CAPN12: variants seen among roughly 807,000 people sequenced by gnomAD.
CAPN12 encodes calpain-12.
A neutral mutation model predicts 95.0 loss-of-function variants in CAPN12; 107 were observed. The observed-to-expected ratio is 1.13, with a 90% CI of 0.96 to 1.32. CAPN12 has a LOEUF of 1.32. CAPN12 is among the 40% of genes most tolerant of loss of function. The pLI is 0.00. For missense variants in CAPN12, 1,136 were observed against 997.8 expected (o/e 1.14, Z -1.87); for synonymous variants, 505 against 415.5 (o/e 1.22, Z -2.62).
At position 38,734,131 on chromosome 19, in the gene CAPN12, T is replaced by A; in HGVS notation, c.1878+11A>T. ...TCTCTTTCTGGGAAGAGGCCCAGTC[T>A]CCCACCTCACCTGCCACTCCAGGAG... On this transcript the variant is annotated intron_variant, in intron 17 of 20. Coordinates refer to ENST00000328867, the MANE Select transcript of CAPN12 (RefSeq NM_144691.4). The A allele has an allele frequency of 6.2e-7, 1 of 1,611,904 alleles. No individual in the cohort carries two copies. The highest frequency in any genetic ancestry group is 8.5e-7 in the Non-Finnish European group (1 of 1,179,470).
rs115604294 is a variant in CAPN12, at chr19:38,741,817, T to C, written c.520A>G (p.Asn174Asp). The change falls in exon 4 of 21, where the codon AAT (asparagine) becomes GAT (aspartate). Residue 174 changes from asparagine (N) to aspartate (D), a missense_variant. Coordinates refer to ENST00000328867, the MANE Select transcript of CAPN12 (RefSeq NM_144691.4). ...TCCAGGAGTGGGGCCCAGAACTCAT[T>C]CCGCTGTTCCGAGCGCACGAACATC... ...KLMFVRSEQR[N>D]EFWAPLLEKA... is the part of the protein sequence containing the mutation. 2.0e-4 allele frequency: 324 copies of C among 1,614,100 alleles called. 1 individual carries two copies. The African/African-American group carries it at 3.0e-3, about 15-fold the overall frequency.
In CAPN12 at chr19:38,737,484, G is replaced by A; in HGVS notation, c.1120C>T (p.Pro374Ser). The A allele has an allele frequency of 9.9e-6, 16 of 1,612,714 alleles. No homozygotes were observed. The highest frequency in any genetic ancestry group is 1.4e-5 in the Non-Finnish European group (16 of 1,179,898). ...GCCCCTCAGGCCTCACCAGCATTAG[G>A]CTGGCTCCCGCCGGAGTTGAAGCCA... ...VRGFNSGGSQ[P>S]NAETFWTNPQ... Residue 374 changes from proline to serine, a missense_variant, in exon 9 of 21, where the codon CCT (proline) becomes TCT (serine). Coordinates refer to ENST00000328867, the MANE Select transcript of CAPN12 (RefSeq NM_144691.4).
chr19:38,735,139 G>A (rs553663695), intron 14 of CAPN12: 7 of 601,902 alleles, frequency 1.2e-5, no homozygotes, highest in South Asian at 4.2e-5. Context: ...ACCTGAGCCT[G>A]GCTGGAGGTG....
Position 38,736,654 on chromosome 19 carries a change from TCTCC to T in CAPN12, c.1363-95_1363-92del, listed in dbSNP as rs895015750. The T allele has an allele frequency of 6.2e-5, 82 of 1,327,830 alleles. 3 individuals are homozygous for T. Among genetic ancestry groups the T allele is most frequent in the Admixed American group, 5.0e-4 (20 of 39,618 alleles). 82.3% of individuals were successfully genotyped at this position (1,327,830 alleles called of 1,614,324 possible). A position where few individuals can be genotyped will look rare whatever the true frequency, so the allele number is the denominator to read the frequency against. On this transcript the variant is annotated intron_variant, in intron 10 of 20. Coordinates refer to ENST00000328867, the MANE Select transcript of CAPN12 (RefSeq NM_144691.4). ...CCTGCCCCTTCTCACCTCTGTGCTC[TCTCC>T]CTCCTTCTTCGTCCTATTAGACCCT...
In CAPN12 at chr19:38,730,625, C is replaced by G; in HGVS notation, c.*227G>C. 8.2e-6 allele frequency: 5 copies of G among 609,806 alleles called. No homozygotes were observed. The highest frequency in any genetic ancestry group is 5.5e-5 in the East Asian group (2 of 36,282). The allele number at this position is 609,806 out of a possible 1,614,324, so 37.8% of individuals were successfully genotyped here. ...AGCTAGCACTGTCTTAAGCTGTCAACGTGGACTAGCTCGTGTCATCTGCTC... is the reference window on the plus strand; with the variant it reads ...AGCTAGCACTGTCTTAAGCTGTCAAGGTGGACTAGCTCGTGTCATCTGCTC... On this transcript the variant is annotated 3_prime_UTR_variant, in exon 21 of 21. Transcript: ENST00000328867.
At chr19:38,737,108 C>T (rs1423623986) in intron 10 of CAPN12, 48 bp downstream of exon 10, 2 of 1,479,080 alleles carry the variant, frequency 1.4e-6, no homozygotes, top group Non-Finnish European at 1.8e-6. Context: ...GGCCCCGCCC[C>T]TCCACCCTCC....
Position 38,730,679 on chromosome 19 carries a change from G to C in CAPN12, c.*173C>G. On this transcript the variant is annotated 3_prime_UTR_variant, in exon 21 of 21. Transcript: ENST00000328867. ...AAGGGCTGTCGCTGTTCTTGTTTCT[G>C]AGTGAGGAGTACGCAGGCCAGAGTG... The C allele has an allele frequency of 1.4e-6, 1 of 706,868 alleles. No homozygotes were observed. Among genetic ancestry groups the C allele is most frequent in the Non-Finnish European group, 2.4e-6 (1 of 419,620 alleles). The allele number at this position is 706,868 out of a possible 1,614,324, so 43.8% of individuals were successfully genotyped here.
chr19:38,737,198 G>T lies in CAPN12; in HGVS notation c.1320C>A (p.Ala440=). ...CAACGGTGAGGTAAGTGAGGCCCTT[G>T]GCTCTCAGGCGCCGCCGGTTGCGCT... ...LIQRNRRRLR[A]KGLTYLTVGF... The change falls in exon 10 of 21, where the codon GCC becomes GCA. Residue 440 remains alanine (A), a synonymous_variant. Transcript: ENST00000328867. 2 of 1,549,120 alleles carry T rather than the reference G, an allele frequency of 1.3e-6. No homozygotes were observed. The highest frequency in any genetic ancestry group is 1.7e-6 in the Non-Finnish European group (2 of 1,147,618).
chr19:38,741,911 C>T lies in CAPN12; in HGVS notation c.427-1G>A. On this transcript the variant is annotated splice_acceptor_variant, in intron 3 of 20. Coordinates refer to ENST00000328867, the MANE Select transcript of CAPN12 (RefSeq NM_144691.4). LOFTEE classifies it high-confidence loss of function. ...CCATCCAGCGGCCAAACTGCCAGAGCTGGTGGGAGAAGATGCAGGGCCGGA... is the reference window on the plus strand; with the variant it reads ...CCATCCAGCGGCCAAACTGCCAGAGTTGGTGGGAGAAGATGCAGGGCCGGA... 1 of 1,613,670 alleles carries T rather than the reference C, an allele frequency of 6.2e-7. No individual in the cohort carries two copies. The highest frequency in any genetic ancestry group is 8.5e-7 in the Non-Finnish European group (1 of 1,179,928).
chr19:38,731,244 A>C (rs1270019006), intron 18 of CAPN12, 21 bp from the exon 19 acceptor site: 31 of 1,600,804 alleles, frequency 1.9e-5, no homozygotes, highest in Non-Finnish European at 2.6e-5. Flanking sequence ...GCTGCTTCTG[A>C]GCCCAGTGGC....
rs560735792 is a variant in CAPN12, at chr19:38,743,196, G to A, written c.238-94C>T. ...GGGCCTCCAAGCCCATGAAAGGCCT[G>A]GAAGCCTGTGGGCAGGAGCATGGCT... On this transcript the variant is annotated intron_variant, in intron 1 of 20. Coordinates refer to ENST00000328867, the MANE Select transcript of CAPN12 (RefSeq NM_144691.4). 318 of 1,446,370 alleles carry A rather than the reference G, an allele frequency of 2.2e-4. 7 individuals are homozygous for A. The South Asian group carries it at 3.6e-3, about 16-fold the overall frequency. The allele number at this position is 1,446,370 out of a possible 1,614,324, so 89.6% of individuals were successfully genotyped here. A position where few individuals can be genotyped will look rare whatever the true frequency, so the allele number is the denominator to read the frequency against.
chr19:38,733,847 C>T, intron 17 of CAPN12, 66 bp from the exon 18 acceptor site: 2 of 1,335,590 alleles, frequency 1.5e-6, no homozygotes, highest in East Asian at 4.6e-5. Flanking sequence ...TGGGGCCTCC[C>T]AGGCAAGACA....
At chr19:38,739,142 CAA>C (rs1970397666) in intron 5 of CAPN12, 2 of 168,130 alleles carry the variant, frequency 1.2e-5, no homozygotes, top group African/African-American at 4.9e-5. Context: ...CCTCCAAAAA[CAA>C]AAACAAACAA....
intron 1 of CAPN12, 90 bp downstream of exon 1, chr19:38,743,839 C>A (rs1970731785): frequency 2.3e-6 from 3 of 1,280,824 alleles, no homozygotes; most frequent in Non-Finnish European, 3.3e-6. Flanking sequence ...GGAGTCCAGG[C>A]CCCCAGCCTT....
At chr19:38,736,624 T>A in intron 10 of CAPN12, 61 bp from the exon 11 acceptor site, 1 of 1,380,966 alleles carries the variant, frequency 7.2e-7, no homozygotes, top group South Asian at 1.4e-5. Flanking sequence ...GCTCAGGGTC[T>A]CCTCCCTGCC....
chr19:38,744,318 C>T lies in CAPN12; in HGVS notation c.-153G>A, dbSNP rs1970762158. 1 of 726,146 alleles carries T rather than the reference C, an allele frequency of 1.4e-6. No individual in the cohort carries two copies. The highest frequency in any genetic ancestry group is 1.7e-5 in the South Asian group (1 of 57,202). The allele number at this position is 726,146 out of a possible 1,614,324, so 45.0% of individuals were successfully genotyped here. A position where few individuals can be genotyped will look rare whatever the true frequency, so the allele number is the denominator to read the frequency against. On this transcript the variant is annotated 5_prime_UTR_variant, in exon 1 of 21. Coordinates refer to ENST00000328867, the MANE Select transcript of CAPN12 (RefSeq NM_144691.4). Reference sequence around the variant, plus strand: ...ATTGATGGTTTGGGGTGCTGGGGAGCAGGGACGCCTCTTCAGTAGCTTTCT... The same window carrying T: ...ATTGATGGTTTGGGGTGCTGGGGAGTAGGGACGCCTCTTCAGTAGCTTTCT...
intron 3 of CAPN12, 53 bp downstream of exon 3, chr19:38,742,357 C>G: frequency 8.3e-7 from 1 of 1,210,266 alleles, no homozygotes; most frequent in Admixed American, 1.8e-5. Context: ...AAATCCATAT[C>G]ACCAAGTCAC....
intron 4 of CAPN12, among the ~76,000 whole-genome samples, chr19:38,741,308 C>T (rs183027569): frequency 5.3e-5 from 8 of 152,218 alleles, no homozygotes; most frequent in Non-Finnish European, 7.4e-5. Context: ...CACAGTGGCT[C>T]ACACCTGTAA....
At chr19:38,734,605 A>G in intron 15 of CAPN12, 1 of 650,496 alleles carries the variant, frequency 1.5e-6, no homozygotes. Context: ...CTTGCCTTTC[A>G]GCGGAAGGGG....
Sources: gnomAD v4.1 joint callset for allele counts (sites outside exome capture counted in the v4.1 genomes callset) on GRCh38, gnomAD v4.1.1 for gene constraint, MANE v1.5 for transcripts, NCBI Gene and HGNC (gene_info 2026-07-23, HGNC 2026-07-21) for gene names.